The following PDGFRB variants were observed in gnomAD, a reference collection of about 807,000 sequenced individuals.
PDGFRB encodes platelet derived growth factor receptor beta, also known as platelet-derived growth factor receptor beta.
PDGFRB carries 42 observed loss-of-function variants against 120.2 expected under a neutral mutation model. The observed-to-expected ratio is 0.35, with a 90% CI of 0.27 to 0.45. PDGFRB has a LOEUF of 0.45. Ranked by LOEUF, PDGFRB falls within the 20% of genes least tolerant of loss-of-function variation. The pLI, the probability that PDGFRB is intolerant of heterozygous loss-of-function variation, is 1.00. For missense variants in PDGFRB, 1,149 were observed against 1,476.3 expected (o/e 0.78, Z 3.63); for synonymous variants, 586 against 606.8 (o/e 0.97, Z 0.50).
chr5:150,135,620 C>T lies in PDGFRB; in HGVS notation c.299G>A (p.Cys100Tyr). The T allele has an allele frequency of 6.2e-7, 1 of 1,613,938 alleles. No individual in the cohort carries two copies. Residue 100 changes from cysteine to tyrosine, a missense_variant, in exon 3 of 23, where the codon TGC becomes TAC. By Grantham distance (194) the Cys-to-Tyr change is radical (BLOSUM62 -2). Coordinates refer to ENST00000261799, the MANE Select transcript of PDGFRB (RefSeq NM_002609.4). ...LTGLDTGEYF[C>Y]THNDSRGLET... ...CAGTCCACGGGAGTCATTGTGGGTG[C>T]AAAAGTATTCTCCCGTGTCTAGCCC...
Position 150,114,632 on chromosome 5 carries a change from G to T in PDGFRB, c.*1131C>A. On this transcript the variant is annotated 3_prime_UTR_variant, in exon 23 of 23. Coordinates refer to ENST00000261799, the MANE Select transcript of PDGFRB (RefSeq NM_002609.4). ...TGCTGGGGGCCTGGGGAAGGGGCAT[G>T]GTTCCTGAGTCCCCAGAGTGTGATG... 1 of 233,544 alleles carries T rather than the reference G, an allele frequency of 4.3e-6. No individual in the cohort carries two copies. The highest frequency in any genetic ancestry group is 8.5e-6 in the Non-Finnish European group (1 of 118,006). 14.5% of individuals were successfully genotyped at this position (233,544 alleles called of 1,614,324 possible).
Position 150,155,650 on chromosome 5 carries a change from G to A in PDGFRB, c.-260C>T, listed in dbSNP as rs554304774. ...TCGCCTCACTCCCCAAGCATCCTTC[G>A]GGAGGAGCAGAGCCGCCAGAGGGGC... On this transcript the variant is annotated 5_prime_UTR_variant, in exon 1 of 23. Transcript: ENST00000261799. 149 of 398,730 alleles carry A rather than the reference G, an allele frequency of 3.7e-4. No individual in the cohort carries two copies. The highest frequency in any genetic ancestry group is 6.6e-4 in the Admixed American group (15 of 22,738). The allele number at this position is 398,730 out of a possible 1,614,324, so 24.7% of individuals were successfully genotyped here.
chr5:150,128,898 G>A (rs116700443), intron 10 of PDGFRB, among the ~76,000 whole-genome samples: 2,177 of 152,244 alleles, frequency 0.014, 19 homozygotes, highest in Non-Finnish European at 0.022. Context: ...GAGAAGTTGG[G>A]TCCTCATATT....
Position 150,129,911 on chromosome 5 carries a change from C to T in PDGFRB, c.1425G>A (p.Gln475=), listed in dbSNP as rs771290931. The change falls in exon 10 of 23, where the codon CAG becomes CAA. Residue 475 remains glutamine (Q), a synonymous_variant. Coordinates refer to ENST00000261799, the MANE Select transcript of PDGFRB (RefSeq NM_002609.4). ...CCCAGTACGTCACGTTAGTCTCCAG[C>T]TGGCTCTCCTCTTCGGAACTGTTCC... The part of the protein sequence containing the change: ...LLGNSSEEES[Q]LETNVTYWEE... 13 of 1,614,094 alleles carry T rather than the reference C, an allele frequency of 8.1e-6. No homozygotes were observed. In the African/African-American group the frequency reaches 1.7e-4, roughly 22 times the overall value.
rs1292468244 is a variant in PDGFRB at position 150,120,910 on chromosome 5, G to A, written c.2564C>T (p.Ser855Leu). Residue 855 changes from serine (S) to leucine (L), a missense_variant, in exon 18 of 23, where the codon TCG becomes TTG. This residue lies in a region of PDGFRB where 68 missense variants were observed against 153.3 expected (regional missense o/e 0.44). Transcript: ENST00000261799. This position sits in a 1 kb window ranked among gnomAD's most constrained non-coding sequence, Gnocchi z 4.3. ...FGLARDIMRD[S>L]NYISKGSTFL... Reference sequence around the variant, plus strand: ...CACGCTGCCTTTGGAGATGTAATTCGAGTCCCGCATGATGTCTCGAGCCAG... The same window carrying A: ...CACGCTGCCTTTGGAGATGTAATTCAAGTCCCGCATGATGTCTCGAGCCAG... 9 of 1,613,946 alleles carry A rather than the reference G, an allele frequency of 5.6e-6. 1 individual carries two copies. The highest frequency in any genetic ancestry group is 5.5e-5 in the South Asian group (5 of 91,076).
intron 4 of PDGFRB, 200 bp from the exon 5 acceptor site, chr5:150,134,208 C>T: frequency 1.7e-6 from 1 of 597,764 alleles, no homozygotes; most frequent in Non-Finnish European, 3.0e-6. Flanking sequence ...ACAAAGTGGA[C>T]AAAATCTCTG....
chr5:150,122,933 G>T, intron 15 of PDGFRB, 109 bp downstream of exon 15: 1 of 963,626 alleles, frequency 1.0e-6, no homozygotes, highest in Non-Finnish European at 1.6e-6. Flanking sequence ...GAGTGATTCT[G>T]TCCCCTGCCC....
rs374440746 is a variant in PDGFRB at position 150,134,757 on chromosome 5, T to G, written c.624A>C (p.Arg208Ser). ...EVDSDAYYVY[R>S]LQVSSINVSV... ...GCCAGAAAGGGGGCTCACCCTGGAG[T>G]CTGTAGACATAGTAGGCATCAGAAT... Residue 208 changes from arginine to serine, a missense_variant, in exon 4 of 23, where the codon AGA becomes AGC. Transcript: ENST00000261799. 76 of 1,611,198 alleles carry G rather than the reference T, an allele frequency of 4.7e-5. No homozygotes were observed. Among genetic ancestry groups the G allele is most frequent in the Non-Finnish European group, 6.2e-5 (73 of 1,178,646 alleles).
rs764300738 is a variant in PDGFRB at position 150,126,565 on chromosome 5, C to T, written c.1629G>A (p.Val543=). 9.9e-6 allele frequency: 16 copies of T among 1,610,742 alleles called. No homozygotes were observed. Among genetic ancestry groups the T allele is most frequent in the Admixed American group, 1.7e-5 (1 of 59,996 alleles). The change falls in exon 11 of 23, where the codon GTG becomes GTA. Residue 543 remains valine, a synonymous_variant. Coordinates refer to ENST00000261799, the MANE Select transcript of PDGFRB (RefSeq NM_002609.4). The part of the protein sequence containing the change: ...VVISAILALV[V]LTIISLIILI... ...GGATGATAAGGGAGATGATGGTGAG[C>T]ACCACCAGGGCCAGGATGGCTGAGA...
At position 150,155,543 on chromosome 5, in the gene PDGFRB, G is replaced by C. The variant is rs746956630; in HGVS notation, c.-153C>G. ...AACAGCTGAGTAGAAGGACAGGCAG[G>C]ACTGGTGCAGGCTCCTGAAGGCTCA... On this transcript the variant is annotated 5_prime_UTR_variant, in exon 1 of 23. Transcript: ENST00000261799. The C allele has an allele frequency of 1.0e-5, 4 of 398,608 alleles. No homozygotes were observed. The highest frequency in any genetic ancestry group is 2.1e-5 in the African/African-American group (1 of 48,610). 24.7% of individuals were successfully genotyped at this position (398,608 alleles called of 1,614,324 possible).
chr5:150,126,065 C>A (rs1377354795), intron 11 of PDGFRB, among the ~76,000 whole-genome samples: 1 of 152,176 alleles, frequency 6.6e-6, no homozygotes, highest in Non-Finnish European at 1.5e-5. Context: ...GTGCTGTAAT[C>A]CTGATTCAGG....
chr5:150,153,228 G>A (rs1486280509), intron 1 of PDGFRB, among the ~76,000 whole-genome samples: 1 of 152,242 alleles, frequency 6.6e-6, no homozygotes, highest in Non-Finnish European at 1.5e-5. Context: ...TCCCGCAGAG[G>A]AGGGGGGCTG....
chr5:150,133,198 T>C (rs998200486), intron 6 of PDGFRB, among the ~76,000 whole-genome samples: 4 of 152,152 alleles, frequency 2.6e-5, no homozygotes, highest in Admixed American at 6.5e-5. Context: ...GTCAGTACTG[T>C]GGCTGATGCT....
intron 1 of PDGFRB, among the ~76,000 whole-genome samples, chr5:150,154,773 C>A (rs1761184927): frequency 6.6e-6 from 1 of 152,214 alleles, no homozygotes; most frequent in African/African-American, 2.4e-5. Flanking sequence ...CAGGTCCCAG[C>A]CCCCAGACCC....
intron 22 of PDGFRB, 31 bp downstream of exon 22, chr5:150,117,587 A>G (rs752833536): frequency 8.4e-7 from 1 of 1,189,742 alleles, no homozygotes; most frequent in South Asian, 1.2e-5. Flanking sequence ...CACTGTGCAC[A>G]ATTTCCTTGG....
Position 150,120,818 on chromosome 5 carries a change from T to G in PDGFRB, c.2586+70A>C. 6.8e-7 allele frequency: 1 copy of G among 1,467,810 alleles called. No homozygotes were observed. The highest frequency in any genetic ancestry group is 9.5e-7 in the Non-Finnish European group (1 of 1,052,648). The allele number at this position is 1,467,810 out of a possible 1,614,324, so 90.9% of individuals were successfully genotyped here. ...TTCCTATGAGCTGCAGCCACACTGG[T>G]CAGGAGGGAATCTGTTCCTGCGGTC... On this transcript the variant is annotated intron_variant, in intron 18 of 22. Coordinates refer to ENST00000261799, the MANE Select transcript of PDGFRB (RefSeq NM_002609.4). The surrounding 1 kb of genome is among the most constrained non-coding windows in gnomAD (Gnocchi z 4.3).
intron 21 of PDGFRB, 40 bp downstream of exon 21, chr5:150,118,707 A>C (rs760406453): frequency 4.1e-6 from 5 of 1,228,548 alleles, no homozygotes; most frequent in Non-Finnish European, 6.0e-6. Flanking sequence ...CTTCTGCACC[A>C]GAGCTCTCCG....
chr5:150,130,180 T>G (rs1009299690), intron 9 of PDGFRB, among the ~76,000 whole-genome samples: 1 of 152,204 alleles, frequency 6.6e-6, no homozygotes, highest in African/African-American at 2.4e-5. Flanking sequence ...CCATTCTTAT[T>G]TGACCCACGG....
intron 22 of PDGFRB, among the ~76,000 whole-genome samples, chr5:150,116,254 T>A (rs1387204470): frequency 6.6e-6 from 1 of 152,204 alleles, no homozygotes; most frequent in Non-Finnish European, 1.5e-5. Context: ...TAAAGGTGTA[T>A]GCTATCTCAT....
Sources: gnomAD v4.1 joint callset for allele counts (sites outside exome capture counted in the v4.1 genomes callset) on GRCh38, gnomAD v4.1.1 for gene constraint, gnomAD v4.1.1 regional missense constraint, Gnocchi (gnomAD v3.1) non-coding constraint, MANE v1.5 for transcripts, NCBI Gene and HGNC (gene_info 2026-07-23, HGNC 2026-07-21) for gene names.